SNX18: variants seen among roughly 807,000 people sequenced by gnomAD.
SNX18 encodes the protein sorting nexin 18, also known as sorting nexin-18.
In SNX18, 35 loss-of-function variants were observed where a neutral mutation model predicts 48.7. That is an observed-to-expected ratio of 0.72 (90% CI 0.55 to 0.95). SNX18 has a LOEUF of 0.95. Among genes scored for constraint, SNX18 ranks in the 40% least tolerant of loss-of-function variants. SNX18 has a pLI of 0.00. For synonymous variants in SNX18, 492 were observed against 384.7 expected, an observed-to-expected ratio of 1.28 and a Z score of -3.26; for missense variants, 824 against 871.0, an observed-to-expected ratio of 0.95 and a Z score of 0.68.
the SNX18 span, among the ~76,000 whole-genome samples, chr5:54,568,004 C>T: frequency 1.3e-5 from 2 of 152,216 alleles, no homozygotes; most frequent in South Asian, 2.1e-4. Flanking sequence ...TTCACTGATG[C>T]ACTACTTGCT....
the SNX18 span, among the ~76,000 whole-genome samples, chr5:54,625,775 A>T: frequency 6.6e-6 from 1 of 152,160 alleles, no homozygotes; most frequent in Non-Finnish European, 1.5e-5. Context: ...TCATTGGCTC[A>T]TGGATAGGCA....
In SNX18 at chr5:54,543,408, T is replaced by C. The variant is rs1338918477; in HGVS notation, c.1851T>C (p.Ala617=). ...AAGTTACCCAGAAGTTGGAAGAAGCTCTTCACAAATATGATAGTGTTTAAT... is the reference window on the plus strand; with the variant it reads ...AAGTTACCCAGAAGTTGGAAGAAGCCCTTCACAAATATGATAGTGTTTAAT... ...FQKVTQKLEE[A]LHKYDSV is the part of the protein sequence containing the mutation. The change falls in exon 2 of 2, where the codon GCT becomes GCC. Residue 617 remains alanine (A), a synonymous_variant. Transcript: ENST00000381410. 1.2e-6 allele frequency: 2 copies of C among 1,614,030 alleles called. No individual in the cohort carries two copies. Among genetic ancestry groups the C allele is most frequent in the African/African-American group, 2.7e-5 (2 of 74,926 alleles).
At chr5:54,535,512 A>G (rs930643485) in intron 1 of SNX18, among the ~76,000 whole-genome samples, 4 of 152,180 alleles carry the variant, frequency 2.6e-5, no homozygotes, top group Non-Finnish European at 4.4e-5. Flanking sequence ...AAAGGAAAGG[A>G]CCCTTTTCAA....
At chr5:54,591,604 C>T in the SNX18 span, among the ~76,000 whole-genome samples, 3 of 152,246 alleles carry the variant, frequency 2.0e-5, no homozygotes, top group Non-Finnish European at 4.4e-5. Context: ...TGATGTCCCC[C>T]TTTGACTACT....
At chr5:54,640,835 G>A in the SNX18 span, among the ~76,000 whole-genome samples, 4 of 152,154 alleles carry the variant, frequency 2.6e-5, no homozygotes, top group Middle Eastern at 3.2e-3. Flanking sequence ...CGAGGTGGGA[G>A]AATCACTTGA....
the SNX18 span, among the ~76,000 whole-genome samples, chr5:54,591,878 G>T: frequency 2.0e-4 from 30 of 152,152 alleles, no homozygotes; most frequent in African/African-American, 7.2e-4. Context: ...GCATGTGCAA[G>T]AAATAAATAT....
At chr5:54,584,897 G>T in the SNX18 span, among the ~76,000 whole-genome samples, 1 of 152,140 alleles carries the variant, frequency 6.6e-6, no homozygotes, top group Admixed American at 6.5e-5. Flanking sequence ...GAATCTCCTG[G>T]ACAGACAGGC....
the SNX18 span, among the ~76,000 whole-genome samples, chr5:54,558,828 A>G: frequency 6.6e-6 from 1 of 152,202 alleles, no homozygotes; most frequent in Non-Finnish European, 1.5e-5. Flanking sequence ...GCCGAAATTC[A>G]GTGAGAGTCA....
At chr5:54,520,194 GTTGT>G in intron 1 of SNX18, 1 of 218,446 alleles carries the variant, frequency 4.6e-6, no homozygotes, top group East Asian at 1.1e-4. Flanking sequence ...AATTGAGAAC[GTTGT>G]TTAGGAAAAT....
At chr5:54,551,825 G>A in the SNX18 span, among the ~76,000 whole-genome samples, 2 of 152,178 alleles carry the variant, frequency 1.3e-5, no homozygotes, top group Non-Finnish European at 2.9e-5. Flanking sequence ...TGGGGTCCCT[G>A]GAGCACACCG....
chr5:54,566,634 G>C, the SNX18 span, among the ~76,000 whole-genome samples: 1 of 152,210 alleles, frequency 6.6e-6, no homozygotes, highest in Admixed American at 6.5e-5. Context: ...GGAATCCAAG[G>C]TTCCTTCCAC....
At chr5:54,596,439 T>C in the SNX18 span, among the ~76,000 whole-genome samples, 1 of 152,162 alleles carries the variant, frequency 6.6e-6, no homozygotes, top group African/African-American at 2.4e-5. Flanking sequence ...TGGGCATTTG[T>C]TCAGCATTCG....
At chr5:54,572,433 T>C in the SNX18 span, among the ~76,000 whole-genome samples, 1 of 152,060 alleles carries the variant, frequency 6.6e-6, no homozygotes, top group South Asian at 2.1e-4. Context: ...CCTAACTCCT[T>C]ACTTCTTGCT....
downstream of SNX18, among the ~76,000 whole-genome samples, chr5:54,548,382 C>T (rs930028437): frequency 2.6e-5 from 4 of 152,176 alleles, no homozygotes; most frequent in Admixed American, 6.5e-5. Flanking sequence ...CTTATTTTTG[C>T]AGTGGTTTAA....
chr5:54,583,947 G>A, the SNX18 span, among the ~76,000 whole-genome samples: 1 of 152,080 alleles, frequency 6.6e-6, no homozygotes, highest in African/African-American at 2.4e-5. Flanking sequence ...TACACCTGCT[G>A]CAGCTTGGCG....
chr5:54,575,084 C>T, the SNX18 span, among the ~76,000 whole-genome samples: 2 of 152,158 alleles, frequency 1.3e-5, no homozygotes, highest in African/African-American at 4.8e-5. Context: ...TATGGAGGAA[C>T]AGATGCTACA....
chr5:54,568,471 C>T, the SNX18 span, among the ~76,000 whole-genome samples: 1 of 152,258 alleles, frequency 6.6e-6, no homozygotes, highest in Admixed American at 6.5e-5. Context: ...AATGGGAACC[C>T]CTACTTGACT....
chr5:54,647,060 G>A, the SNX18 span, among the ~76,000 whole-genome samples: 1 of 152,180 alleles, frequency 6.6e-6, no homozygotes, highest in East Asian at 1.9e-4. Flanking sequence ...ACCAGATCGT[G>A]CTTTGTCACA....
chr5:54,568,473 T>C, the SNX18 span, among the ~76,000 whole-genome samples: 4 of 152,114 alleles, frequency 2.6e-5, no homozygotes, highest in African/African-American at 9.7e-5. Context: ...TGGGAACCCC[T>C]ACTTGACTCA....
Sources: allele counts gnomAD v4.1 joint callset (sites outside exome capture counted in the v4.1 genomes callset), GRCh38; gene constraint gnomAD v4.1.1; transcripts MANE v1.5; gene names NCBI Gene and HGNC (gene_info 2026-07-23, HGNC 2026-07-21).